ZNF730: variants seen among roughly 807,000 people sequenced by gnomAD.
ZNF730 encodes the protein putative zinc finger protein 730.
In ZNF730, 12 loss-of-function variants were observed where a neutral mutation model predicts 12.6. The ratio of observed to expected loss-of-function variants is 0.95; its 90% confidence interval spans 0.61 to 1.54. The LOEUF (loss-of-function observed/expected upper bound fraction) is 1.54. Among genes scored for constraint, ZNF730 ranks in the 40% most tolerant of loss-of-function variants. The pLI, the probability that ZNF730 is intolerant of heterozygous loss-of-function variation, is 0.00. For synonymous variants in ZNF730, 194 were observed against 195.8 expected, an observed-to-expected ratio of 0.99 and a Z score of 0.08; for missense variants, 643 against 583.5, an observed-to-expected ratio of 1.10 and a Z score of -1.05.
chr19:23,082,056 A>G (rs1166233351), intron 1 of ZNF730, among the ~76,000 whole-genome samples: 1 of 152,138 alleles, frequency 6.6e-6, no homozygotes, highest in Non-Finnish European at 1.5e-5. Flanking sequence ...TTTGCTAACT[A>G]TTTTGTAATA....
chr19:23,080,832 T>A (rs921670715), intron 1 of ZNF730, among the ~76,000 whole-genome samples: 1 of 148,446 alleles, frequency 6.7e-6, no homozygotes, highest in Non-Finnish European at 1.5e-5. Flanking sequence ...TTCTGTTTTG[T>A]TTCTTTTTTC....
intron 1 of ZNF730, among the ~76,000 whole-genome samples, chr19:23,128,909 T>C (rs1970706635): frequency 6.6e-6 from 1 of 152,296 alleles, no homozygotes. Flanking sequence ...GCCTAGGGAC[T>C]TGGTATCCTG....
chr19:23,091,880 G>T (rs1313602333), intron 1 of ZNF730, among the ~76,000 whole-genome samples: 1 of 152,134 alleles, frequency 6.6e-6, no homozygotes, highest in Non-Finnish European at 1.5e-5. Context: ...AGACTTTGGG[G>T]ATCTGTTGGG....
At chr19:23,138,417 A>G (rs891463918) in intron 3 of ZNF730, among the ~76,000 whole-genome samples, 12 of 152,316 alleles carry the variant, frequency 7.9e-5, no homozygotes, top group Admixed American at 2.0e-4. Flanking sequence ...TGAGTCATGC[A>G]AGTGCTTCGG....
chr19:23,135,112 A>G (rs1261088174), intron 2 of ZNF730, among the ~76,000 whole-genome samples: 1 of 140,038 alleles, frequency 7.1e-6, no homozygotes, highest in African/African-American at 2.7e-5. Context: ...TCCTCTGCCT[A>G]GGAAAACCAG....
rs1269424996 is a variant in ZNF730, at chr19:23,135,991, A to G, written c.174A>G (p.Gln58=). 4 of 1,609,678 alleles carry G rather than the reference A, an allele frequency of 2.5e-6. No homozygotes were observed. The highest frequency in any genetic ancestry group is 3.4e-6 in the Non-Finnish European group (4 of 1,177,962). ...SKPDLITCLE[Q]EKEPWNLKTH... ...CAGACCTGATCACCTGTCTGGAGCA[A>G]GAAAAAGAGCCTTGGAATTTGAAGA... Residue 58 remains glutamine (Q), a synonymous_variant, in exon 3 of 4, where the codon CAA becomes CAG. Transcript: ENST00000597761.
chr19:23,085,496 CTTTTTTTTTTTTTTTT>C (rs58871710), intron 1 of ZNF730, among the ~76,000 whole-genome samples: 8 of 52,762 alleles, frequency 1.5e-4, no homozygotes, highest in Admixed American at 8.8e-4. Context: ...CCATGCCCGT[CTTTTTTTTTTTTTTTT>C]TTTTTTTTTT....
intron 2 of ZNF730, among the ~76,000 whole-genome samples, chr19:23,135,062 T>G (rs549747608): frequency 3.1e-5 from 4 of 130,810 alleles, no homozygotes; most frequent in South Asian, 2.7e-4. Flanking sequence ...TCCCTAATCT[T>G]AAGTACCCAG....
chr19:23,088,236 T>G (rs1233865831), intron 1 of ZNF730, among the ~76,000 whole-genome samples: 2 of 151,030 alleles, frequency 1.3e-5, no homozygotes, highest in Non-Finnish European at 2.9e-5. Flanking sequence ...GCCAGGCTGG[T>G]CTTGAACACC....
chr19:23,127,764 A>C, intron 1 of ZNF730: 1 of 893,852 alleles, frequency 1.1e-6, no homozygotes. Context: ...TCCTGAGAGG[A>C]AGTTAGGGCC....
At chr19:23,094,357 T>C (rs1384434099) in intron 1 of ZNF730, among the ~76,000 whole-genome samples, 1 of 82,988 alleles carries the variant, frequency 1.2e-5, no homozygotes, top group Non-Finnish European at 2.6e-5. Flanking sequence ...CATGCCTGGC[T>C]CTATCTATCT....
intron 1 of ZNF730, among the ~76,000 whole-genome samples, chr19:23,119,782 A>T (rs1970576231): frequency 6.6e-6 from 1 of 152,100 alleles, no homozygotes; most frequent in Admixed American, 6.5e-5. Context: ...GCGCCACTGC[A>T]CTCCAGCCTG....
upstream of ZNF730, among the ~76,000 whole-genome samples, chr19:23,114,694 A>G (rs2145584401): frequency 6.6e-6 from 1 of 152,148 alleles, no homozygotes; most frequent in Non-Finnish European, 1.5e-5. Flanking sequence ...GTATTCTCTG[A>G]TCAAAAATGA....
At position 23,117,099 on chromosome 19, in the gene ZNF730, G is replaced by C. The variant is rs1970538705; in HGVS notation, c.-75G>C. On this transcript the variant is annotated 5_prime_UTR_variant, in exon 1 of 4. Transcript: ENST00000597761. ...TGTGTCCTCTGCACGTAGAAGCCCAGCCTGTGTGGCCCTGCGACCTGCGGG... is the reference window on the plus strand; with the variant it reads ...TGTGTCCTCTGCACGTAGAAGCCCACCCTGTGTGGCCCTGCGACCTGCGGG... 1 of 1,610,032 alleles carries C rather than the reference G, an allele frequency of 6.2e-7. No homozygotes were observed. The highest frequency in any genetic ancestry group is 8.5e-7 in the Non-Finnish European group (1 of 1,176,860).
At chr19:23,093,235 CA>C (rs1205465101) in intron 1 of ZNF730, among the ~76,000 whole-genome samples, 1 of 152,190 alleles carries the variant, frequency 6.6e-6, no homozygotes. Context: ...CTTGGCCTCC[CA>C]AAGTGCTAGG....
intron 1 of ZNF730, among the ~76,000 whole-genome samples, chr19:23,125,994 T>C (rs1970660868): frequency 1.3e-5 from 2 of 152,232 alleles, no homozygotes; most frequent in African/African-American, 4.8e-5. Flanking sequence ...CTAATGCATT[T>C]GCTTTTCTTC....
chr19:23,121,297 G>A (rs1452606698), intron 1 of ZNF730, among the ~76,000 whole-genome samples: 1 of 151,998 alleles, frequency 6.6e-6, no homozygotes, highest in African/African-American at 2.4e-5. Context: ...GGGTGTTGTA[G>A]GAGTCAGAAT....
rs1024908401 is a variant in ZNF730 at position 23,117,055 on chromosome 19, A to G, written c.-119A>G. On this transcript the variant is annotated 5_prime_UTR_variant, in exon 1 of 4. Transcript: ENST00000597761. Reference sequence around the variant, plus strand: ...TGTTTCTCGCTGCCGCCGAAGCTCCAATTTTCGTCTGTCTGCTTTGTGTCC... The same window carrying G: ...TGTTTCTCGCTGCCGCCGAAGCTCCGATTTTCGTCTGTCTGCTTTGTGTCC... 2 of 1,522,972 alleles carry G rather than the reference A, an allele frequency of 1.3e-6. No homozygotes were observed. Among genetic ancestry groups the G allele is most frequent in the East Asian group, 2.3e-5 (1 of 43,502 alleles). The allele number at this position is 1,522,972 out of a possible 1,614,324, so 94.3% of individuals were successfully genotyped here. A position where few individuals can be genotyped will look rare whatever the true frequency, so the allele number is the denominator to read the frequency against.
intron 1 of ZNF730, among the ~76,000 whole-genome samples, chr19:23,098,086 G>A: frequency 6.6e-6 from 1 of 151,888 alleles, no homozygotes; most frequent in East Asian, 1.9e-4. Context: ...GGAGGTTGTG[G>A]TGAGCCAAGA....
Sources: allele counts gnomAD v4.1 joint callset (sites outside exome capture counted in the v4.1 genomes callset), GRCh38; gene constraint gnomAD v4.1.1; transcripts MANE v1.5; gene names NCBI Gene and HGNC (gene_info 2026-07-23, HGNC 2026-07-21).